LTBP1: variants seen among roughly 807,000 people sequenced by gnomAD.
LTBP1 encodes latent transforming growth factor beta binding protein 1.
Under a neutral mutation model 207.6 loss-of-function variants are expected in LTBP1, and 129 were observed. The observed-to-expected ratio is 0.62, with a 90% CI of 0.54 to 0.72. The LOEUF (loss-of-function observed/expected upper bound fraction) is 0.72, where lower values mean the gene tolerates loss of function less well. Ranked by LOEUF, LTBP1 falls within the 30% of genes least tolerant of loss-of-function variation. The pLI, the probability that LTBP1 is intolerant of heterozygous loss-of-function variation, is 0.00. For synonymous variants in LTBP1, 963 were observed against 833.7 expected, an observed-to-expected ratio of 1.16 and a Z score of -2.67; for missense variants, 2,281 against 2,217.2, an observed-to-expected ratio of 1.03 and a Z score of -0.58.
intron 3 of LTBP1, among the ~76,000 whole-genome samples, chr2:33,033,778 A>C (rs1463201904): frequency 6.6e-6 from 1 of 152,226 alleles, no homozygotes; most frequent in African/African-American, 2.4e-5. Context: ...ATCTGTCTTG[A>C]AAATGAATTA....
At chr2:33,296,372 TCTTCACAGGGCAGTACTTGGACC>T (rs2093874955) in intron 20 of LTBP1, among the ~76,000 whole-genome samples, 1 of 152,102 alleles carries the variant, frequency 6.6e-6, no homozygotes, top group East Asian at 1.9e-4. Context: ...CTGTGAAGAT[TCTTCACAGGGCAGTACTTGGACC>T]CAAGTACTTG....
At chr2:33,367,868 G>A (rs986456995) in intron 31 of LTBP1, among the ~76,000 whole-genome samples, 1 of 152,120 alleles carries the variant, frequency 6.6e-6, no homozygotes, top group African/African-American at 2.4e-5. Context: ...ACAAGAGATG[G>A]CTAAATAAAT....
chr2:33,288,552 C>T lies in LTBP1; in HGVS notation c.3113-4608C>T, dbSNP rs190728487. On this transcript the variant is annotated intron_variant, in intron 19 of 33. Transcript: ENST00000404816. ...GGAGAGAGTAATGTTCTCATTTCCC[C>T]GCAAAAAGAAAAGAAGTTGGAGGCC... is the stretch of plus-strand genomic sequence containing the variant. Among the ~76,000 whole-genome samples the T allele has an allele frequency of 2.1e-3, 313 of 152,080 alleles. 1 individual carries two copies. The highest frequency in any genetic ancestry group is 6.7e-3 in the African/African-American group (277 of 41,498).
At chr2:33,101,865 T>G (rs1572641176) in intron 3 of LTBP1, among the ~76,000 whole-genome samples, 1 of 152,346 alleles carries the variant, frequency 6.6e-6, no homozygotes, top group East Asian at 1.9e-4. Flanking sequence ...GTTAAATAAC[T>G]TACTCAGTTC....
At chr2:33,310,583 G>A (rs1323066478) in intron 23 of LTBP1, among the ~76,000 whole-genome samples, 2 of 152,086 alleles carry the variant, frequency 1.3e-5, no homozygotes, top group Non-Finnish European at 2.9e-5. Context: ...TCTCTAATGA[G>A]TGGTAAAGTT....
At chr2:33,342,730 C>T in intron 24 of LTBP1, 108 bp from the exon 25 acceptor site, 7 of 1,002,586 alleles carry the variant, frequency 7.0e-6, no homozygotes, top group South Asian at 2.2e-5. Context: ...TTCATCTCAT[C>T]ATCACACACT....
chr2:33,245,089 AG>A, intron 10 of LTBP1, among the ~76,000 whole-genome samples: 1 of 152,286 alleles, frequency 6.6e-6, no homozygotes, highest in South Asian at 2.1e-4. Context: ...CATATTGGTC[AG>A]GCTGGTCTTG....
chr2:33,166,795 A>G (rs765208219), intron 5 of LTBP1, among the ~76,000 whole-genome samples: 44 of 152,220 alleles, frequency 2.9e-4, no homozygotes, highest in Non-Finnish European at 5.9e-4. Flanking sequence ...AAATGGAAGG[A>G]GACATGTTGG....
chr2:33,311,509 G>A (rs2094187065), intron 23 of LTBP1, among the ~76,000 whole-genome samples: 1 of 135,222 alleles, frequency 7.4e-6, no homozygotes, highest in South Asian at 2.4e-4. Flanking sequence ...AATGAATCTT[G>A]ATTTATATAA....
chr2:33,073,800 T>C (rs1034737970), intron 3 of LTBP1, among the ~76,000 whole-genome samples: 4 of 152,182 alleles, frequency 2.6e-5, no homozygotes, highest in Non-Finnish European at 5.9e-5. Flanking sequence ...CTAATTTTTG[T>C]ATTTTTAGTA....
chr2:33,296,561 T>C (rs912725042), intron 20 of LTBP1, among the ~76,000 whole-genome samples: 3 of 152,170 alleles, frequency 2.0e-5, no homozygotes, highest in African/African-American at 7.2e-5. Flanking sequence ...TCTAATGGGA[T>C]GCTCAAAGTA....
At chr2:33,303,728 A>G (rs7605474) in intron 22 of LTBP1, among the ~76,000 whole-genome samples, 62,225 of 151,866 alleles carry the variant, frequency 0.41, 13,100 homozygotes, top group Admixed American at 0.45. Flanking sequence ...TCGCCCTCCT[A>G]TGAGAATCGA....
At chr2:33,103,912 C>G (rs1238990568) in intron 3 of LTBP1, among the ~76,000 whole-genome samples, 1 of 152,110 alleles carries the variant, frequency 6.6e-6, no homozygotes, top group Non-Finnish European at 1.5e-5. Flanking sequence ...TCCTGAATCC[C>G]TGTTTCCTCT....
At chr2:32,956,417 G>T (rs1055141343) in intron 2 of LTBP1, among the ~76,000 whole-genome samples, 3 of 152,098 alleles carry the variant, frequency 2.0e-5, no homozygotes, top group Non-Finnish European at 2.9e-5. Context: ...CAGCATCTTC[G>T]CCAGGAGTAG....
rs1166745885 is a variant in LTBP1, at chr2:33,275,858, T to C, written c.2927T>C (p.Val976Ala). The C allele has an allele frequency of 6.2e-7, 1 of 1,612,906 alleles. No individual in the cohort carries two copies. Among genetic ancestry groups the C allele is most frequent in the Non-Finnish European group, 8.5e-7 (1 of 1,179,548 alleles). Residue 976 changes from valine (V) to alanine (A), a missense_variant, in exon 18 of 34, where the codon GTG (valine) becomes GCG (alanine). By Grantham distance (64) the Val-to-Ala change is moderately conservative (BLOSUM62 0). This residue lies in a region of LTBP1 where 1,671 missense variants were observed against 1,634.8 expected (regional missense o/e 1.02). Coordinates refer to ENST00000404816, the MANE Select transcript of LTBP1 (RefSeq NM_206943.4). Reference protein sequence around the residue: ...VCGEGHCVNTVGAFRCEYCDS... With the variant: ...VCGEGHCVNTAGAFRCEYCDS... The stretch of plus-strand genomic sequence containing the variant: ...GGGGAGGGGCACTGTGTCAATACTG[T>C]GGGGGCCTTCCGGTGTGAATACTGT...
intron 15 of LTBP1, among the ~76,000 whole-genome samples, chr2:33,268,852 A>G (rs1558918193): frequency 6.6e-6 from 1 of 152,196 alleles, no homozygotes; most frequent in Non-Finnish European, 1.5e-5. Context: ...TGGCTCTTGC[A>G]GACTGGTCAG....
At chr2:32,966,222 T>A (rs1055733933) in intron 2 of LTBP1, among the ~76,000 whole-genome samples, 1 of 152,214 alleles carries the variant, frequency 6.6e-6, no homozygotes, top group African/African-American at 2.4e-5. Context: ...TTTGCATATT[T>A]TGGATAATGG....
At chr2:33,203,337 T>C (rs1254192473) in intron 7 of LTBP1, among the ~76,000 whole-genome samples, 1 of 152,218 alleles carries the variant, frequency 6.6e-6, no homozygotes, top group Non-Finnish European at 1.5e-5. Flanking sequence ...AGAACATGTC[T>C]GCATGTCACT....
At chr2:32,977,635 AG>A (rs1452521064) in intron 2 of LTBP1, among the ~76,000 whole-genome samples, 1 of 152,170 alleles carries the variant, frequency 6.6e-6, no homozygotes, top group Non-Finnish European at 1.5e-5. Context: ...TTGGGTGTGC[AG>A]GGGCCTAGAA....
Sources: gnomAD v4.1 joint callset for allele counts (sites outside exome capture counted in the v4.1 genomes callset) on GRCh38, gnomAD v4.1.1 for gene constraint, gnomAD v4.1.1 regional missense constraint, MANE v1.5 for transcripts, NCBI Gene and HGNC (gene_info 2026-07-23, HGNC 2026-07-21) for gene names.